KCNB2: variants seen among roughly 807,000 people sequenced by gnomAD.
The protein encoded by KCNB2 is delayed rectifier potassium channel protein.
Under a neutral mutation model 61.5 loss-of-function variants are expected in KCNB2, and 15 were observed. The observed-to-expected ratio is 0.24, with a 90% confidence interval of 0.16 to 0.38. The LOEUF (loss-of-function observed/expected upper bound fraction) is 0.38. Ranked by LOEUF, KCNB2 falls within the 10% of genes least tolerant of loss-of-function variation. The pLI, the probability that KCNB2 is intolerant of heterozygous loss-of-function variation, is 1.00. For missense variants in KCNB2, 828 were observed against 1,125.2 expected (o/e 0.74, Z 3.78); for synonymous variants, 457 against 446.0 (o/e 1.02, Z -0.31).
chr8:72,588,904 GAAC>G (rs1585769513), intron 2 of KCNB2, among the ~76,000 whole-genome samples: 1 of 151,826 alleles, frequency 6.6e-6, no homozygotes, highest in Non-Finnish European at 1.5e-5. Flanking sequence ...TCAAAAACAA[GAAC>G]AACAACAAAG....
chr8:72,727,561 T>TAA (rs1044723005), intron 2 of KCNB2, among the ~76,000 whole-genome samples: 1 of 152,218 alleles, frequency 6.6e-6, no homozygotes, highest in Admixed American at 6.5e-5. Flanking sequence ...TCAGCATAGA[T>TAA]AAAGTCTTTA....
intron 2 of KCNB2, among the ~76,000 whole-genome samples, chr8:72,719,099 T>G (rs1185465053): frequency 7.9e-5 from 12 of 152,156 alleles, no homozygotes; most frequent in African/African-American, 1.9e-4. Flanking sequence ...TGCTTTGTTT[T>G]TTTGTTTGTT....
rs528353207 is a variant in KCNB2 at position 72,693,774 on chromosome 8, G to A, written c.579+125461G>A. Among the ~76,000 whole-genome samples, 122 of 152,232 alleles carry A rather than the reference G, an allele frequency of 8.0e-4. 3 individuals are homozygous for A. In the South Asian group the frequency reaches 0.024, roughly 31 times the overall value. On this transcript the variant is annotated intron_variant, in intron 2 of 2. Transcript: ENST00000523207. The stretch of plus-strand genomic sequence containing the variant: ...GAGAAGCAGAAAGAGAAAGAACCAG[G>A]GATGGGAGAGAGTACCAATATTCCT...
intron 2 of KCNB2, among the ~76,000 whole-genome samples, chr8:72,609,626 T>C (rs1170873607): frequency 6.6e-6 from 1 of 152,154 alleles, no homozygotes; most frequent in Non-Finnish European, 1.5e-5. Context: ...CGATTTGGAA[T>C]TTACATCAGA....
intron 2 of KCNB2, among the ~76,000 whole-genome samples, chr8:72,599,123 A>C (rs192323928): frequency 9.4e-4 from 143 of 152,272 alleles, no homozygotes; most frequent in African/African-American, 3.3e-3. Context: ...GGAACCAAAA[A>C]AGAGCCCGCA....
chr8:72,799,715 G>T (rs1809090438), intron 2 of KCNB2, among the ~76,000 whole-genome samples: 1 of 152,148 alleles, frequency 6.6e-6, no homozygotes, highest in South Asian at 2.1e-4. Flanking sequence ...TTCAGTACCT[G>T]CAGGCTCTGT....
At chr8:72,552,253 ACTTATTT>A (rs1159216287) in intron 1 of KCNB2, among the ~76,000 whole-genome samples, 1 of 152,140 alleles carries the variant, frequency 6.6e-6, no homozygotes, top group African/African-American at 2.4e-5. Context: ...TAAGAACAGA[ACTTATTT>A]CTTATTTAAG....
intron 1 of KCNB2, among the ~76,000 whole-genome samples, chr8:72,564,225 T>G (rs947437253): frequency 6.6e-6 from 1 of 152,212 alleles, no homozygotes; most frequent in Non-Finnish European, 1.5e-5. Flanking sequence ...CCAGTGACTA[T>G]GATATAGCAT....
In KCNB2 at chr8:72,651,920, G is replaced by A. The variant is rs532260647; in HGVS notation, c.579+83607G>A. On this transcript the variant is annotated intron_variant, in intron 2 of 2. Transcript: ENST00000523207. ...TCCATCCCTCTCCCACGTCACATGG[G>A]CATGATCCCATTTGCCCCATCTTGG... Among the ~76,000 whole-genome samples the A allele has an allele frequency of 3.9e-5, 6 of 152,132 alleles. No individual in the cohort carries two copies. In the South Asian group the frequency reaches 1.2e-3, roughly 32 times the overall value.
At chr8:72,671,011 T>C (rs1230501634) in intron 2 of KCNB2, among the ~76,000 whole-genome samples, 1 of 152,208 alleles carries the variant, frequency 6.6e-6, no homozygotes, top group Non-Finnish European at 1.5e-5. Context: ...ATATTCTGCC[T>C]TCTATTATTT....
chr8:72,642,183 A>C (rs1384305724), intron 2 of KCNB2, among the ~76,000 whole-genome samples: 1 of 152,170 alleles, frequency 6.6e-6, no homozygotes, highest in African/African-American at 2.4e-5. Context: ...GCCAGCATAG[A>C]ATACACAGCT....
rs1806944126 is a variant in KCNB2, at chr8:72,937,505, T to C, written c.2150T>C (p.Val717Ala). ...CCACTAAAGTCCAGATCCCTCAAAG[T>C]GAACTTTAAGGAAAATAGAGGCAGT... ...SNPLKSRSLKVNFKENRGSAP... is the reference protein window; with the variant it reads ...SNPLKSRSLKANFKENRGSAP... Residue 717 changes from valine to alanine, a missense_variant, in exon 3 of 3, where the codon GTG becomes GCG. Transcript: ENST00000523207. 1.2e-6 allele frequency: 2 copies of C among 1,613,190 alleles called. No individual in the cohort carries two copies. Among genetic ancestry groups the C allele is most frequent in the Non-Finnish European group, 1.7e-6 (2 of 1,179,880 alleles).
intron 2 of KCNB2, among the ~76,000 whole-genome samples, chr8:72,836,688 A>T (rs1809787922): frequency 6.6e-6 from 1 of 152,190 alleles, no homozygotes; most frequent in African/African-American, 2.4e-5. Flanking sequence ...AAGCAGGTGG[A>T]TTGCCTGAGC....
chr8:72,853,275 C>T (rs1810152461), intron 2 of KCNB2, among the ~76,000 whole-genome samples: 1 of 152,174 alleles, frequency 6.6e-6, no homozygotes, highest in Admixed American at 6.5e-5. Flanking sequence ...CCAGGAAATT[C>T]AGGAGCCTGT....
At chr8:72,850,151 C>T (rs1226708650) in intron 2 of KCNB2, among the ~76,000 whole-genome samples, 2 of 151,680 alleles carry the variant, frequency 1.3e-5, no homozygotes, top group African/African-American at 4.9e-5. Context: ...TTTAGGATTG[C>T]TCTTGCCATT....
rs543474001 is a variant in KCNB2 at position 72,830,227 on chromosome 8, CAAAAAAAAAAAA to C, written c.580-105696_580-105685del. The stretch of plus-strand genomic sequence containing the variant: ...AGCTGAAAAATGTCTTCATATTTTC[CAAAAAAAAAAAA>C]AAAAAAAAAAAGCAGGGAGGGAGGG... On this transcript the variant is annotated intron_variant, in intron 2 of 2. Transcript: ENST00000523207. Among the ~76,000 whole-genome samples the C allele has an allele frequency of 8.4e-5, 7 of 83,446 alleles. No homozygotes were observed. In the South Asian group the frequency reaches 1.8e-3, roughly 22 times the overall value. The allele number at this position is 83,446 out of a possible 152,430, so 54.7% of individuals were successfully genotyped here.
intron 2 of KCNB2, among the ~76,000 whole-genome samples, chr8:72,791,627 G>A (rs1474408983): frequency 6.6e-6 from 1 of 152,020 alleles, no homozygotes; most frequent in East Asian, 1.9e-4. Context: ...TTAATTAACT[G>A]GATTAGAAGG....
chr8:72,897,820 G>A lies in KCNB2; in HGVS notation c.580-38115G>A, dbSNP rs1806017353. Among the ~76,000 whole-genome samples, 3 of 152,116 alleles carry A rather than the reference G, an allele frequency of 2.0e-5. No homozygotes were observed. The South Asian group carries it at 6.2e-4, about 31-fold the overall frequency. On this transcript the variant is annotated intron_variant, in intron 2 of 2. Transcript: ENST00000523207. ...TCAATATAAATTCTCATCCATAAGA[G>A]AAATTTTTACCTTGACACTTTGTTC...
rs79293180 is a variant in KCNB2 at position 72,638,164 on chromosome 8, C to T, written c.579+69851C>T. ...CCCCACCATCGTAGAGTCCAGTATC[C>T]GCCATTCAGAACTCTGTAAGGGATC... is the stretch of plus-strand genomic sequence containing the variant. On this transcript the variant is annotated intron_variant, in intron 2 of 2. Coordinates refer to ENST00000523207, the MANE Select transcript of KCNB2 (RefSeq NM_004770.3). Among the ~76,000 whole-genome samples, 667 of 152,186 alleles carry T rather than the reference C, an allele frequency of 4.4e-3. 12 individuals are homozygous for T. Among genetic ancestry groups the T allele is most frequent in the African/African-American group, 0.015 (635 of 41,536 alleles).
Sources: gnomAD v4.1 joint callset for allele counts (sites outside exome capture counted in the v4.1 genomes callset) on GRCh38, gnomAD v4.1.1 for gene constraint, MANE v1.5 for transcripts, NCBI Gene and HGNC (gene_info 2026-07-23, HGNC 2026-07-21) for gene names.